The following SAMHD1 variants were observed in gnomAD, a reference collection of about 807,000 sequenced individuals.
The protein encoded by SAMHD1 is SAM and HD domain containing deoxynucleoside triphosphate triphosphohydrolase 1, also known as deoxynucleoside triphosphate triphosphohydrolase SAMHD1.
SAMHD1 carries 54 observed loss-of-function variants against 79.6 expected under a neutral mutation model. That is an observed-to-expected ratio of 0.68 (90% CI 0.55 to 0.85). The LOEUF is 0.85. Ranked by LOEUF, SAMHD1 falls within the 40% of genes least tolerant of loss-of-function variation. The pLI is 0.00. For missense variants in SAMHD1, 663 were observed against 782.7 expected (o/e 0.85, Z 1.82); for synonymous variants, 260 against 264.1 (o/e 0.98, Z 0.15).
chr20:36,933,650 C>T (rs1482422942), intron 4 of SAMHD1, among the ~76,000 whole-genome samples: 2 of 152,028 alleles, frequency 1.3e-5, no homozygotes, highest in African/African-American at 2.4e-5. Flanking sequence ...GCCACCACGC[C>T]TTGCTAATTT....
chr20:36,938,950 G>A (rs1192386559), intron 3 of SAMHD1, among the ~76,000 whole-genome samples: 1 of 151,650 alleles, frequency 6.6e-6, no homozygotes, highest in Non-Finnish European at 1.5e-5. Context: ...AATAAGCCTA[G>A]AACGGGCTGG....
At chr20:36,926,599 A>C (rs2063537884) in intron 6 of SAMHD1, among the ~76,000 whole-genome samples, 1 of 152,164 alleles carries the variant, frequency 6.6e-6, no homozygotes, top group Non-Finnish European at 1.5e-5. Flanking sequence ...AGAGAGAGAA[A>C]AAAAAAGTGG....
chr20:36,916,478 T>C (rs1003087798), intron 9 of SAMHD1: 2 of 407,940 alleles, frequency 4.9e-6, no homozygotes. Flanking sequence ...AAAAAAAAAA[T>C]GCAACCAACC....
At chr20:36,893,116 T>C in intron 15 of SAMHD1, 50 bp from the exon 16 acceptor site, 1 of 1,603,468 alleles carries the variant, frequency 6.2e-7, no homozygotes, top group Non-Finnish European at 8.5e-7. Flanking sequence ...CCAGTTTCCA[T>C]CATCTTATTT....
chr20:36,898,923 A>AG (rs1990250573), intron 13 of SAMHD1, among the ~76,000 whole-genome samples: 1 of 151,414 alleles, frequency 6.6e-6, no homozygotes, highest in Admixed American at 6.6e-5. Flanking sequence ...AAAAAAAAAA[A>AG]AAAAAAAAGA....
intron 13 of SAMHD1, among the ~76,000 whole-genome samples, chr20:36,902,216 C>G (rs971068200): frequency 1.3e-5 from 2 of 152,138 alleles, no homozygotes; most frequent in African/African-American, 4.8e-5. Context: ...GGGTCTTGCT[C>G]TGTTGCCCAG....
At chr20:36,945,309 C>T (rs1458346897) in intron 2 of SAMHD1, among the ~76,000 whole-genome samples, 2 of 152,190 alleles carry the variant, frequency 1.3e-5, no homozygotes, top group African/African-American at 2.4e-5. Flanking sequence ...TTTACAGGTA[C>T]AGAAACTGAA....
chr20:36,907,592 T>C (rs1179246440), intron 11 of SAMHD1, among the ~76,000 whole-genome samples: 1 of 135,004 alleles, frequency 7.4e-6, no homozygotes, highest in South Asian at 2.4e-4. Flanking sequence ...CAGGCTGGAG[T>C]GCAATGGTGC....
chr20:36,936,337 G>T (rs959504098), intron 3 of SAMHD1, among the ~76,000 whole-genome samples: 3 of 152,048 alleles, frequency 2.0e-5, no homozygotes, highest in Non-Finnish European at 4.4e-5. Flanking sequence ...TAGAGATAGG[G>T]TCTCGCTTTC....
At chr20:36,924,508 T>G (rs1398466618) in intron 6 of SAMHD1, among the ~76,000 whole-genome samples, 4 of 152,146 alleles carry the variant, frequency 2.6e-5, no homozygotes, top group Non-Finnish European at 5.9e-5. Flanking sequence ...GTCAGGAATG[T>G]TCACTGGCTT....
rs968788263 is a variant in SAMHD1 at position 36,933,860 on chromosome 20, C to T, written c.509+1169G>A. On this transcript the variant is annotated intron_variant, in intron 4 of 15. Transcript: ENST00000646673. ...AAGAAATCAAGACCACCCTGGCCAA[C>T]GTGGTGAAACCCTGTCTCTACTAAA... Among the ~76,000 whole-genome samples the T allele has an allele frequency of 5.3e-5, 8 of 151,764 alleles. No individual in the cohort carries two copies. In the East Asian group the frequency reaches 6.0e-4, roughly 11 times the overall value.
chr20:36,935,240 A>C, intron 3 of SAMHD1, 51 bp from the exon 4 acceptor site: 1 of 1,464,354 alleles, frequency 6.8e-7, no homozygotes, highest in Non-Finnish European at 9.6e-7. Flanking sequence ...AGTCCAACTG[A>C]AATTTGTGTG....
chr20:36,917,583 G>A (rs1022895876), intron 7 of SAMHD1, among the ~76,000 whole-genome samples: 9 of 152,096 alleles, frequency 5.9e-5, no homozygotes, highest in African/African-American at 2.2e-4. Context: ...CTCAGGAGGC[G>A]GAGGTTGCAG....
intron 11 of SAMHD1, among the ~76,000 whole-genome samples, chr20:36,907,511 A>T (rs1285980260): frequency 3.3e-5 from 5 of 151,488 alleles, no homozygotes; most frequent in African/African-American, 1.2e-4. Context: ...GACTAAAGGC[A>T]CATGCCGCCA....
chr20:36,929,917 G>A (rs779969823), intron 5 of SAMHD1, among the ~76,000 whole-genome samples: 1 of 151,924 alleles, frequency 6.6e-6, no homozygotes, highest in Non-Finnish European at 1.5e-5. Context: ...AAGGAAAAAT[G>A]GTGATTTTAT....
At chr20:36,898,825 T>C (rs747997205) in intron 13 of SAMHD1, among the ~76,000 whole-genome samples, 2 of 149,862 alleles carry the variant, frequency 1.3e-5, no homozygotes, top group Non-Finnish European at 3.0e-5. Flanking sequence ...GGCAGGAGAA[T>C]TGTTTGAACC....
chr20:36,951,694 G>A lies in SAMHD1; in HGVS notation c.-51C>T. ...AGTCAAGAACCTCGGCGCCGGACCCGCGCGCAGGCGCACTGACAGCAGGGC... is the reference window on the plus strand; with the variant it reads ...AGTCAAGAACCTCGGCGCCGGACCCACGCGCAGGCGCACTGACAGCAGGGC... On this transcript the variant is annotated 5_prime_UTR_variant, in exon 1 of 16. Coordinates refer to ENST00000646673, the MANE Select transcript of SAMHD1 (RefSeq NM_015474.4). The A allele has an allele frequency of 1.2e-6, 2 of 1,608,882 alleles. No homozygotes were observed. Among genetic ancestry groups the A allele is most frequent in the Non-Finnish European group, 1.7e-6 (2 of 1,179,780 alleles).
intron 6 of SAMHD1, among the ~76,000 whole-genome samples, chr20:36,924,210 C>G (rs901690339): frequency 6.6e-6 from 1 of 151,076 alleles, no homozygotes; most frequent in African/African-American, 2.4e-5. Flanking sequence ...CATGTTTGCA[C>G]CACTGCACTC....
At chr20:36,948,875 A>T (rs1414311081) in intron 1 of SAMHD1, among the ~76,000 whole-genome samples, 2 of 112,142 alleles carry the variant, frequency 1.8e-5, no homozygotes, top group Admixed American at 2.0e-4. Flanking sequence ...CAAAAAAAAA[A>T]AAAAAAGAAA....
Sources: gnomAD v4.1 joint callset for allele counts (sites outside exome capture counted in the v4.1 genomes callset) on GRCh38, gnomAD v4.1.1 for gene constraint, MANE v1.5 for transcripts, NCBI Gene and HGNC (gene_info 2026-07-23, HGNC 2026-07-21) for gene names.